The following SPTBN4 variants were observed in gnomAD, a reference collection of about 807,000 sequenced individuals.
SPTBN4 encodes the protein spectrin beta, non-erythrocytic 4.
In SPTBN4, 96 loss-of-function variants were observed where a neutral mutation model predicts 277.8. The observed-to-expected ratio is 0.35, with a 90% CI of 0.29 to 0.41. SPTBN4 has a LOEUF of 0.41. SPTBN4 is among the 10% of genes least tolerant of loss of function. The pLI is 1.00. For missense variants in SPTBN4, 3,006 were observed against 3,595.7 expected (o/e 0.84, Z 4.19); for synonymous variants, 1,481 against 1,580.3 (o/e 0.94, Z 1.49).
At position 40,572,197 on chromosome 19, in the gene SPTBN4, G is replaced by GC. The variant is rs769345667; in HGVS notation, c.7493+11dup. ...GAAGCATGTCTTCAAGCTCCAGTGA[G>GC]CCCCCCAATGGGCAGGAGGGAGGGA... On this transcript the variant is annotated splice_donor_region_variant and intron_variant, in intron 34 of 35. Transcript: ENST00000598249. The GC allele has an allele frequency of 1.3e-5, 20 of 1,594,908 alleles. No homozygotes were observed. Among genetic ancestry groups the GC allele is most frequent in the Admixed American group, 1.0e-4 (6 of 58,386 alleles).
rs549203279 is a variant in SPTBN4, at chr19:40,539,897, A to G, written c.4359+5554A>G. 4.6e-5 allele frequency among the ~76,000 whole-genome samples: 7 copies of G among 151,930 alleles called. No homozygotes were observed. The South Asian group carries it at 1.5e-3, about 31-fold the overall frequency. ...GGTTTCAGAACTGCTGACCCAACAA[A>G]TCTAAGATTCAGTATTTATTCACAG... On this transcript the variant is annotated intron_variant, in intron 20 of 35. Transcript: ENST00000598249.
rs1456678234 is a variant in SPTBN4, at chr19:40,567,700, C to T, written c.6374C>T (p.Pro2125Leu). The T allele has an allele frequency of 1.9e-6, 3 of 1,553,836 alleles. No individual in the cohort carries two copies. The East Asian group carries it at 7.7e-5, about 40-fold the overall frequency. The change falls in exon 31 of 36, where the codon CCT becomes CTT. Residue 2125 changes from proline to leucine, a missense_variant. Physicochemically the swap from Pro to Leu is moderately conservative, Grantham distance 98. This residue lies in a region of SPTBN4 where 630 missense variants were observed against 677.6 expected (regional missense o/e 0.93). Transcript: ENST00000598249. ...KIKAEQSKQP[P>L]TPLLGRKFFG... ...AAAGCGGAACAGAGCAAGCAGCCGC[C>T]TACCCCACTGCTGGGGCGCAAGTTC... is the stretch of plus-strand genomic sequence containing the variant.
intron 1 of SPTBN4, among the ~76,000 whole-genome samples, chr19:40,471,845 C>T (rs1389662761): frequency 6.6e-6 from 1 of 151,378 alleles, no homozygotes; most frequent in African/African-American, 2.4e-5. Context: ...CTCAAGCCAT[C>T]CTCACACCTC....
chr19:40,485,809 A>C (rs1386033139), intron 2 of SPTBN4, among the ~76,000 whole-genome samples: 4 of 152,020 alleles, frequency 2.6e-5, no homozygotes. Context: ...GTGACTCAAA[A>C]AAAAAAGAGT....
At chr19:40,480,421 AAAAC>A (rs71173642) in intron 2 of SPTBN4, among the ~76,000 whole-genome samples, 32,628 of 151,662 alleles carry the variant, frequency 0.22, 4,100 homozygotes, top group African/African-American at 0.35. Context: ...CCATCTCTAA[AAAAC>A]AAACAAACAG....
chr19:40,569,936 C>CCACACACACACACACACA (rs60074818), intron 32 of SPTBN4, among the ~76,000 whole-genome samples: 9 of 131,572 alleles, frequency 6.8e-5, no homozygotes, highest in Non-Finnish European at 9.6e-5. Context: ...TACTGCCCCT[C>CCACACACACACACACACA]CACACACACA....
rs1322891482 is a variant in SPTBN4 at position 40,569,975 on chromosome 19, GACACACACACACAGACAC to G, written c.7026+259_7026+276del. On this transcript the variant is annotated intron_variant, in intron 32 of 35. Coordinates refer to ENST00000598249, the MANE Select transcript of SPTBN4 (RefSeq NM_020971.3). ...ACACACACACACACACACACACACA[GACACACACACACAGACAC>G]ACACACACAGACACACAGACACAGA... 5.7e-3 allele frequency among the ~76,000 whole-genome samples: 274 copies of G among 48,418 alleles called. 4 individuals are homozygous for G. The highest frequency in any genetic ancestry group is 0.022 in the African/African-American group (268 of 12,126). The allele number at this position is 48,418 out of a possible 152,430, so 31.8% of individuals were successfully genotyped here.
chr19:40,482,993 A>G (rs543355009), intron 2 of SPTBN4, among the ~76,000 whole-genome samples: 1 of 151,550 alleles, frequency 6.6e-6, no homozygotes, highest in South Asian at 2.1e-4. Flanking sequence ...AAATAAATAA[A>G]TAAAATATAT....
chr19:40,503,963 G>A lies in SPTBN4; in HGVS notation c.1496G>A (p.Gly499Asp), dbSNP rs371796026. The A allele has an allele frequency of 1.4e-5, 23 of 1,613,852 alleles. No individual in the cohort carries two copies. The highest frequency in any genetic ancestry group is 1.8e-5 in the Non-Finnish European group (21 of 1,180,006). ...AELAQALAAE[G>D]YYDIRRVAAQ... The stretch of plus-strand genomic sequence containing the variant: ...CTGGCCCAGGCATTGGCAGCCGAAG[G>A]CTACTACGATATCCGGCGGGTGGCA... Residue 499 changes from glycine (G) to aspartate (D), a missense_variant, in exon 12 of 36, where the codon GGC becomes GAC. Transcript: ENST00000598249.
intron 2 of SPTBN4, among the ~76,000 whole-genome samples, chr19:40,480,103 T>C (rs919520624): frequency 1.3e-5 from 2 of 151,792 alleles, no homozygotes; most frequent in Non-Finnish European, 2.9e-5. Flanking sequence ...TACAGAAAAT[T>C]AGCTGGGCGT....
At position 40,519,714 on chromosome 19, in the gene SPTBN4, C is replaced by A; in HGVS notation, c.3217C>A (p.Leu1073Ile). The A allele has an allele frequency of 7.2e-7, 1 of 1,390,488 alleles. No individual in the cohort carries two copies. The highest frequency in any genetic ancestry group is 1.6e-5 in the South Asian group (1 of 61,234). 86.1% of individuals were successfully genotyped at this position (1,390,488 alleles called of 1,614,324 possible). A position where few individuals can be genotyped will look rare whatever the true frequency, so the allele number is the denominator to read the frequency against. ...GGAGCTGGGCGCCGAGTGGGGCGCG[C>A]TAGCTAGCGCGGCTCAGGCCTGCGG... The part of the protein sequence containing the change: ...AEELGAEWGA[L>I]ASAAQACGEA... Residue 1073 changes from leucine (L) to isoleucine (I), a missense_variant, in exon 16 of 36, where the codon CTA becomes ATA. By Grantham distance (5) the Leu-to-Ile change is conservative. This residue lies in a region of SPTBN4 where 1,759 missense variants were observed against 2,061.5 expected (regional missense o/e 0.85). Transcript: ENST00000598249. This position sits in a 1 kb window ranked among gnomAD's most constrained non-coding sequence, Gnocchi z 5.7.
intron 16 of SPTBN4, among the ~76,000 whole-genome samples, chr19:40,522,348 ATTTTTTTTTT>A (rs567161952): frequency 8.5e-6 from 1 of 117,696 alleles, no homozygotes; most frequent in African/African-American, 3.2e-5. Context: ...ATAGTAACCA[ATTTTTTTTTT>A]TTTTTTTTTT....
Position 40,513,515 on chromosome 19 carries a change from T to C in SPTBN4, c.2726T>C (p.Val909Ala). Reference protein sequence around the residue: ...EKEQWLLSMRVPDSLDDVEVV... With the variant: ...EKEQWLLSMRAPDSLDDVEVV... ...GAGCAATGGCTGCTCTCCATGCGTG[T>C]GCCGGATTCACTCGACGACGTCGAG... Residue 909 changes from valine to alanine, a missense_variant, in exon 14 of 36, where the codon GTG (valine) becomes GCG (alanine). By Grantham distance (64) the Val-to-Ala change is moderately conservative. Coordinates refer to ENST00000598249, the MANE Select transcript of SPTBN4 (RefSeq NM_020971.3). The C allele has an allele frequency of 6.3e-7, 1 of 1,595,530 alleles. No homozygotes were observed. The highest frequency in any genetic ancestry group is 8.5e-7 in the Non-Finnish European group (1 of 1,176,094).
chr19:40,563,489 A>C (rs1237366888), intron 27 of SPTBN4, among the ~76,000 whole-genome samples: 1 of 152,168 alleles, frequency 6.6e-6, no homozygotes, highest in Admixed American at 6.5e-5. Flanking sequence ...CATACTAACA[A>C]AGCAAAGCAA....
At chr19:40,567,017 G>C (rs763995099) in intron 30 of SPTBN4, 1 of 332,702 alleles carries the variant, frequency 3.0e-6, no homozygotes, top group Non-Finnish European at 6.3e-6. Context: ...GCTGGGTGGG[G>C]TGGCTCACAC....
chr19:40,471,736 C>G (rs2079886046), intron 1 of SPTBN4, among the ~76,000 whole-genome samples: 1 of 151,806 alleles, frequency 6.6e-6, no homozygotes, highest in Non-Finnish European at 1.5e-5. Flanking sequence ...CCACATTTGG[C>G]TAATTTTTAA....
chr19:40,542,224 C>T (rs995514429), intron 20 of SPTBN4, among the ~76,000 whole-genome samples: 10 of 152,192 alleles, frequency 6.6e-5, no homozygotes, highest in Admixed American at 2.0e-4. Context: ...CCCAGTCTCT[C>T]TGTCTCTTTT....
intron 29 of SPTBN4, 108 bp from the exon 30 acceptor site, chr19:40,566,055 G>A: frequency 2.5e-6 from 3 of 1,209,344 alleles, no homozygotes; most frequent in Non-Finnish European, 2.3e-6. Flanking sequence ...GATGGTCAGG[G>A]CTCGGGTATG....
chr19:40,529,496 G>C (rs2145892281), intron 18 of SPTBN4, among the ~76,000 whole-genome samples: 1 of 151,864 alleles, frequency 6.6e-6, no homozygotes, highest in African/African-American at 2.4e-5. Context: ...CGAGGGCCGT[G>C]GGGGGGCCAG....
Sources: allele counts gnomAD v4.1 joint callset (sites outside exome capture counted in the v4.1 genomes callset), GRCh38; gene constraint gnomAD v4.1.1; regional missense constraint gnomAD v4.1.1; non-coding constraint Gnocchi (gnomAD v3.1); transcripts MANE v1.5; gene names NCBI Gene and HGNC (gene_info 2026-07-23, HGNC 2026-07-21).